Variants in SYT9 observed in about 807,000 individuals in gnomAD.
The protein encoded by SYT9 is synaptotagmin 9.
SYT9 carries 22 observed loss-of-function variants against 48.4 expected under a neutral mutation model. The observed-to-expected ratio is 0.45, with a 90% CI of 0.32 to 0.65. The LOEUF (loss-of-function observed/expected upper bound fraction) is 0.65. Ranked by LOEUF, SYT9 falls within the 30% of genes least tolerant of loss-of-function variation. The pLI is 0.03. For missense variants in SYT9, 577 were observed against 622.0 expected, an observed-to-expected ratio of 0.93 and a Z score of 0.77; for synonymous variants, 265 against 245.0, an observed-to-expected ratio of 1.08 and a Z score of -0.76.
intron 3 of SYT9, among the ~76,000 whole-genome samples, chr11:7,397,062 A>T (rs1251063156): frequency 1.2e-4 from 18 of 151,966 alleles, no homozygotes; most frequent in Non-Finnish European, 1.5e-5. Context: ...CCATCTAAGG[A>T]TTTGTTGTCT....
intron 1 of SYT9, among the ~76,000 whole-genome samples, chr11:7,282,767 C>T (rs1001320583): frequency 1.3e-5 from 2 of 152,088 alleles, no homozygotes; most frequent in African/African-American, 4.8e-5. Flanking sequence ...CCCTTTTGAT[C>T]CCTTTATGGA....
At chr11:7,349,601 C>T (rs1166247273) in intron 3 of SYT9, among the ~76,000 whole-genome samples, 1 of 152,160 alleles carries the variant, frequency 6.6e-6, no homozygotes, top group Non-Finnish European at 1.5e-5. Context: ...CCTCAGCTTC[C>T]CAGAGCCCAG....
intron 3 of SYT9, among the ~76,000 whole-genome samples, chr11:7,394,055 C>A (rs930224165): frequency 1.3e-5 from 2 of 151,720 alleles, no homozygotes; most frequent in Admixed American, 1.3e-4. Flanking sequence ...TTGTGTGCTG[C>A]ACCCATTAAC....
chr11:7,277,923 T>C (rs1848427807), intron 1 of SYT9, among the ~76,000 whole-genome samples: 2 of 152,230 alleles, frequency 1.3e-5, no homozygotes, highest in Admixed American at 6.5e-5. Flanking sequence ...GAAAATGAAG[T>C]GTGCCAGTCT....
chr11:7,444,682 G>A (rs1027863950), intron 6 of SYT9: 11 of 152,126 alleles, frequency 7.2e-5, no homozygotes, highest in Non-Finnish European at 1.2e-4. Flanking sequence ...AAGCAGAGCC[G>A]AGAGTATCTC....
intron 1 of SYT9, among the ~76,000 whole-genome samples, chr11:7,273,012 G>A (rs1446773752): frequency 6.6e-6 from 1 of 152,114 alleles, no homozygotes; most frequent in African/African-American, 2.4e-5. Context: ...TGTGGGTCAT[G>A]TTAAGAATTT....
chr11:7,352,669 G>A (rs978511883), intron 3 of SYT9, among the ~76,000 whole-genome samples: 1 of 152,148 alleles, frequency 6.6e-6, no homozygotes, highest in Non-Finnish European at 1.5e-5. Flanking sequence ...AAAATAATAT[G>A]ACATGTGCTC....
At chr11:7,305,148 A>G (rs1432745449) in intron 2 of SYT9, among the ~76,000 whole-genome samples, 1 of 152,248 alleles carries the variant, frequency 6.6e-6, no homozygotes, top group Non-Finnish European at 1.5e-5. Context: ...GAAATTGGGT[A>G]GAAGGAAAAA....
chr11:7,278,288 TCATGAAGACAGAGCC>T (rs1416832189), intron 1 of SYT9, among the ~76,000 whole-genome samples: 3 of 152,170 alleles, frequency 2.0e-5, no homozygotes, highest in Non-Finnish European at 4.4e-5. Context: ...ACAAATTCAT[TCATGAAGACAGAGCC>T]CATATCATCC....
chr11:7,452,489 A>G (rs1053035833), intron 6 of SYT9, among the ~76,000 whole-genome samples: 1 of 152,136 alleles, frequency 6.6e-6, no homozygotes, highest in Non-Finnish European at 1.5e-5. Flanking sequence ...AAGAAGTTCT[A>G]ATTTTTGACA....
At chr11:7,276,502 A>ATGGTGGAATAAGGTGGAATGAATC (rs1425043875) in intron 1 of SYT9, among the ~76,000 whole-genome samples, 6 of 152,228 alleles carry the variant, frequency 3.9e-5, no homozygotes, top group African/African-American at 1.4e-4. Context: ...ACGTGAGAAT[A>ATGGTGGAATAAGGTGGAATGAATC]TGGTGGAATA....
chr11:7,444,030 C>CT lies in SYT9; in HGVS notation c.1468-22761dup, dbSNP rs762994738. ...ATTGGCTACAAAAAGGGTACAGACT[C>CT]TGAGTTGTAGTGAGACTGCCAGTCT... On this transcript the variant is annotated intron_variant, in intron 6 of 6. Coordinates refer to ENST00000318881, the MANE Select transcript of SYT9 (RefSeq NM_175733.4). Among the ~76,000 whole-genome samples the CT allele has an allele frequency of 9.8e-5, 15 of 152,344 alleles. No homozygotes were observed. In the East Asian group the frequency reaches 2.1e-3, roughly 22 times the overall value.
chr11:7,451,886 T>A (rs1385082962), intron 6 of SYT9, among the ~76,000 whole-genome samples: 1 of 152,194 alleles, frequency 6.6e-6, no homozygotes, highest in Non-Finnish European at 1.5e-5. Context: ...TGCCTGAAAC[T>A]GTTCCTTGCA....
rs189214497 is a variant in SYT9, at chr11:7,402,510, C to G, written c.1045-13532C>G. ...GATTTGTTTAGTGTATTTTGAAAGT[C>G]TGTTATTAGATGCATACACATTTAT... is the stretch of plus-strand genomic sequence containing the variant. On this transcript the variant is annotated intron_variant, in intron 3 of 6. Transcript: ENST00000318881. Among the ~76,000 whole-genome samples the G allele has an allele frequency of 6.1e-3, 924 of 152,068 alleles. 3 individuals carry two copies. Among genetic ancestry groups the G allele is most frequent in the Non-Finnish European group, 8.2e-3 (557 of 67,904 alleles).
At chr11:7,380,776 G>A (rs988320878) in intron 3 of SYT9, among the ~76,000 whole-genome samples, 3 of 151,984 alleles carry the variant, frequency 2.0e-5, no homozygotes, top group South Asian at 2.1e-4. Context: ...TAGCCATATC[G>A]CATTTTGATT....
chr11:7,326,390 T>C (rs1849435186), intron 3 of SYT9, among the ~76,000 whole-genome samples: 1 of 98,306 alleles, frequency 1.0e-5, no homozygotes, highest in South Asian at 4.7e-4. Context: ...GATTTTCTAG[T>C]TTATTTGCGT....
chr11:7,304,444 C>A (rs1312342899), intron 2 of SYT9, among the ~76,000 whole-genome samples: 1 of 152,188 alleles, frequency 6.6e-6, no homozygotes, highest in Non-Finnish European at 1.5e-5. Context: ...ATAGCATGTG[C>A]TGTTATTTGG....
At chr11:7,438,738 C>T (rs577826374) in intron 6 of SYT9, 2 of 152,368 alleles carry the variant, frequency 1.3e-5, no homozygotes, top group Admixed American at 1.3e-4. Flanking sequence ...TATGGAACAA[C>T]ACATCCCCTC....
At chr11:7,456,081 T>G (rs1848146264) in intron 6 of SYT9, among the ~76,000 whole-genome samples, 1 of 152,252 alleles carries the variant, frequency 6.6e-6, no homozygotes, top group Non-Finnish European at 1.5e-5. Flanking sequence ...TGTATTTGAT[T>G]ATACATTTAC....
Sources: allele counts gnomAD v4.1 joint callset (sites outside exome capture counted in the v4.1 genomes callset), GRCh38; gene constraint gnomAD v4.1.1; transcripts MANE v1.5; gene names NCBI Gene and HGNC (gene_info 2026-07-23, HGNC 2026-07-21).